Variants in SSPN observed in about 807,000 individuals in gnomAD.
The protein encoded by SSPN is sarcospan.
In SSPN, 15 loss-of-function variants were observed where a neutral mutation model predicts 19.1. The ratio of observed to expected loss-of-function variants is 0.78; its 90% confidence interval spans 0.52 to 1.21. SSPN has a LOEUF of 1.21. Among genes scored for constraint, SSPN ranks in the 50% most tolerant of loss-of-function variants. SSPN has a pLI of 0.00. For missense variants in SSPN, 291 were observed against 314.0 expected, an observed-to-expected ratio of 0.93 and a Z score of 0.55; for synonymous variants, 147 against 140.3, an observed-to-expected ratio of 1.05 and a Z score of -0.34.
chr12:26,185,062 A>G (rs975654887), intron 1 of SSPN, among the ~76,000 whole-genome samples: 4 of 152,250 alleles, frequency 2.6e-5, no homozygotes, highest in African/African-American at 9.6e-5. Flanking sequence ...GATTTAAAAT[A>G]TGGATTGCTT....
chr12:26,194,936 G>A (rs1394011210), upstream of SSPN, among the ~76,000 whole-genome samples: 1 of 152,204 alleles, frequency 6.6e-6, no homozygotes, highest in African/African-American at 2.4e-5. Flanking sequence ...GCTGCAGTGA[G>A]CTAGGATGGT....
chr12:26,188,706 A>G (rs1944769225), intron 1 of SSPN, among the ~76,000 whole-genome samples: 1 of 152,228 alleles, frequency 6.6e-6, no homozygotes, highest in Non-Finnish European at 1.5e-5. Context: ...ATTTATAAAT[A>G]TTTATTAAAG....
intron 1 of SSPN, chr12:26,122,476 AG>A: frequency 1.5e-6 from 2 of 1,339,970 alleles, no homozygotes; most frequent in South Asian, 1.7e-5. Context: ...GGCAGGCAGA[AG>A]GGGGCCGCGG....
At chr12:26,126,203 T>C (rs1944363450) in intron 1 of SSPN, 1 of 152,122 alleles carries the variant, frequency 6.6e-6, no homozygotes, top group Non-Finnish European at 1.5e-5. Flanking sequence ...CCTGGGAGCA[T>C]GACTCACTGC....
chr12:26,186,460 G>A (rs895390541), intron 1 of SSPN, among the ~76,000 whole-genome samples: 1 of 152,170 alleles, frequency 6.6e-6, no homozygotes, highest in Non-Finnish European at 1.5e-5. Context: ...AATTGCAAAA[G>A]CATTATAAAT....
intron 1 of SSPN, chr12:26,125,178 C>T (rs2137391267): frequency 2.9e-6 from 1 of 339,346 alleles, no homozygotes; most frequent in South Asian, 2.7e-5. Context: ...CGAGAGAAGG[C>T]GAACGGCAGG....
At position 26,140,543 on chromosome 12, in the gene SSPN, T is replaced by C. The variant is rs1398149302; in HGVS notation, c.-31+18391T>C. On this transcript the variant is annotated intron_variant, in intron 1 of 2. Transcript: ENST00000538142. Reference sequence around the variant, plus strand: ...TCATGTTGAATTGTAATCCCCAGTATTGGAAAAGGGGCCGCGGGGGAAGTG... The same window carrying C: ...TCATGTTGAATTGTAATCCCCAGTACTGGAAAAGGGGCCGCGGGGGAAGTG... Among the ~76,000 whole-genome samples, 3 of 152,168 alleles carry C rather than the reference T, an allele frequency of 2.0e-5. No individual in the cohort carries two copies. The East Asian group carries it at 5.8e-4, about 29-fold the overall frequency.
At chr12:26,183,791 C>T (rs968222154) in intron 1 of SSPN, among the ~76,000 whole-genome samples, 1 of 152,160 alleles carries the variant, frequency 6.6e-6, no homozygotes. Context: ...CACTGCCAGT[C>T]GGAGGGTGAT....
At chr12:26,176,437 T>C (rs1029551813) in intron 1 of SSPN, among the ~76,000 whole-genome samples, 110 of 151,964 alleles carry the variant, frequency 7.2e-4, no homozygotes, top group African/African-American at 2.6e-3. Context: ...AAAAGTCTGC[T>C]AAATTTACTT....
chr12:26,185,099 A>C (rs1167806747), intron 1 of SSPN, among the ~76,000 whole-genome samples: 1 of 152,228 alleles, frequency 6.6e-6, no homozygotes, highest in Non-Finnish European at 1.5e-5. Context: ...ACTTAAGCTA[A>C]TGCTTGAACT....
At chr12:26,137,636 G>GTATATATATATATA (rs35349803) in intron 1 of SSPN, among the ~76,000 whole-genome samples, 48 of 31,362 alleles carry the variant, frequency 1.5e-3, no homozygotes, top group African/African-American at 5.0e-3. Flanking sequence ...GTGTGTGTAT[G>GTATATATATATATA]TATATATATA....
At chr12:26,180,973 A>G (rs1944715150) in intron 1 of SSPN, 1 of 152,212 alleles carries the variant, frequency 6.6e-6, no homozygotes, top group African/African-American at 2.4e-5. Flanking sequence ...TGTCCAGGAG[A>G]TTCACTAGAC....
intron 1 of SSPN, among the ~76,000 whole-genome samples, chr12:26,185,797 G>C (rs12314653): frequency 0.28 from 41,907 of 152,082 alleles, 6,040 homozygotes; most frequent in African/African-American, 0.35. Flanking sequence ...TGCTGTAGTA[G>C]AGCGACTTTG....
At chr12:26,209,197 A>G (rs904136636) in intron 1 of SSPN, among the ~76,000 whole-genome samples, 4 of 151,980 alleles carry the variant, frequency 2.6e-5, no homozygotes, top group African/African-American at 4.8e-5. Context: ...AATGTCTTTT[A>G]TCTGGTCTTT....
At chr12:26,194,615 A>C (rs576821580), upstream of SSPN, among the ~76,000 whole-genome samples, 83 of 152,320 alleles carry the variant, frequency 5.4e-4, no homozygotes, top group Non-Finnish European at 9.8e-4. Flanking sequence ...TGAACTCCTG[A>C]CCTTGTGATC....
intron 1 of SSPN, among the ~76,000 whole-genome samples, chr12:26,187,304 G>A (rs1944760290): frequency 6.6e-6 from 1 of 152,244 alleles, no homozygotes; most frequent in Non-Finnish European, 1.5e-5. Flanking sequence ...ACAATATAAA[G>A]AGAGAGTTTT....
Position 26,230,642 on chromosome 12 carries a change from G to A in SSPN, c.367-69G>A, listed in dbSNP as rs141438340. 4.0e-6 allele frequency: 6 copies of A among 1,513,584 alleles called. No homozygotes were observed. The African/African-American group carries it at 4.2e-5, about 11-fold the overall frequency. The allele number at this position is 1,513,584 out of a possible 1,614,324, so 93.8% of individuals were successfully genotyped here. On this transcript the variant is annotated intron_variant, in intron 2 of 2. Transcript: ENST00000242729. ...AGGGAAGAAAAAGAACAGTTTTGAT[G>A]AATTCGCTTTGCAAATCATCATCCA...
Position 26,143,949 on chromosome 12 carries a change from A to C in SSPN, c.-31+21797A>C, listed in dbSNP as rs568005274. ...ATGAGAATCTAATGCCTGATGATCC[A>C]TCACTGTCTCCCATCACCCCCACAT... is the stretch of plus-strand genomic sequence containing the variant. On this transcript the variant is annotated intron_variant, in intron 1 of 2. Transcript: ENST00000538142. Among the ~76,000 whole-genome samples, 20 of 152,326 alleles carry C rather than the reference A, an allele frequency of 1.3e-4. No homozygotes were observed. The South Asian group carries it at 4.1e-3, about 32-fold the overall frequency.
At chr12:26,194,807 T>G (rs2137455097), upstream of SSPN, among the ~76,000 whole-genome samples, 1 of 152,272 alleles carries the variant, frequency 6.6e-6, no homozygotes, top group Middle Eastern at 3.4e-3. Flanking sequence ...GACAACATAA[T>G]GAGATCCCAT....
Sources: allele counts gnomAD v4.1 joint callset (sites outside exome capture counted in the v4.1 genomes callset), GRCh38; gene constraint gnomAD v4.1.1; transcripts MANE v1.5; gene names NCBI Gene and HGNC (gene_info 2026-07-23, HGNC 2026-07-21).